The following DNAH5 variants were observed in gnomAD, a reference collection of about 807,000 sequenced individuals.
DNAH5 encodes the protein axonemal beta dynein heavy chain 5.
A neutral mutation model predicts 518.2 loss-of-function variants in DNAH5; 372 were observed. The observed-to-expected ratio is 0.72, with a 90% CI of 0.66 to 0.78. The LOEUF is 0.78. Ranked by LOEUF, DNAH5 falls within the 30% of genes least tolerant of loss-of-function variation. The pLI is 0.00. For synonymous variants in DNAH5, 2,039 were observed against 2,025.9 expected (o/e 1.01, Z -0.17); for missense variants, 5,523 against 5,687.0 (o/e 0.97, Z 0.93).
chr5:13,898,663 C>G (rs1774203791), intron 15 of DNAH5: 1 of 398,578 alleles, frequency 2.5e-6, no homozygotes, highest in Non-Finnish European at 4.4e-6. Flanking sequence ...TTCTGTCCTA[C>G]TTACCTAACG....
chr5:13,703,723 A>G (rs1742426089), intron 76 of DNAH5, among the ~76,000 whole-genome samples: 1 of 152,036 alleles, frequency 6.6e-6, no homozygotes, highest in Admixed American at 6.6e-5. Flanking sequence ...TTCATATAAC[A>G]TTCCAAGATC....
intron 12 of DNAH5, among the ~76,000 whole-genome samples, chr5:13,908,809 C>G (rs1170504741): frequency 6.6e-6 from 1 of 152,192 alleles, no homozygotes; most frequent in Non-Finnish European, 1.5e-5. Flanking sequence ...CCACCCTGAT[C>G]CAAATCACTC....
At position 13,700,790 on chromosome 5, in the gene DNAH5, T is replaced by TGTC. The variant is rs779136850; in HGVS notation, c.13570_13572dup (p.Asp4524dup). ...ACACCCTCTGTGGGAGGGGCAGAAATGTCGTCCTTCATCCATTTGGTGACT... is the reference window on the plus strand; with the variant it reads ...ACACCCTCTGTGGGAGGGGCAGAAATGTCGTCGTCCTTCATCCATTTGGTGACT... On this transcript the variant is annotated inframe_insertion, in exon 78 of 79. Transcript: ENST00000265104. The TGTC allele has an allele frequency of 6.2e-7, 1 of 1,614,128 alleles. No homozygotes were observed. The highest frequency in any genetic ancestry group is 1.1e-5 in the South Asian group (1 of 91,086).
In DNAH5 at chr5:13,829,676, A is replaced by T. The variant is rs1763376541; in HGVS notation, c.6278T>A (p.Leu2093His). The T allele has an allele frequency of 6.2e-7, 1 of 1,614,078 alleles. No individual in the cohort carries two copies. Among genetic ancestry groups the T allele is most frequent in the Non-Finnish European group, 8.5e-7 (1 of 1,180,042 alleles). ...GAAATTAATCTTCAAGTTTTCAGGG[A>T]GTTCCTGCCGTCCGGCATAGCCAGG... ...MNPGYAGRQE[L>H]PENLKINFRS... Residue 2093 changes from leucine to histidine, a missense_variant, in exon 38 of 79, where the codon CTC (leucine) becomes CAC (histidine). Physicochemically the swap from Leu to His is moderately conservative, Grantham distance 99. Transcript: ENST00000265104.
At chr5:13,971,514 G>A (rs1046953660) in intron 1 of DNAH5, among the ~76,000 whole-genome samples, 1 of 152,126 alleles carries the variant, frequency 6.6e-6, no homozygotes, top group East Asian at 1.9e-4. Context: ...AGGGCTTCCT[G>A]AGAGCCAAAC....
intron 47 of DNAH5, among the ~76,000 whole-genome samples, chr5:13,796,154 C>T (rs1757787331): frequency 6.6e-6 from 1 of 152,174 alleles, no homozygotes. Context: ...CAGGGATGCC[C>T]TCTCTCACCA....
intron 75 of DNAH5, among the ~76,000 whole-genome samples, chr5:13,711,589 C>T (rs904089122): frequency 6.6e-6 from 1 of 152,268 alleles, no homozygotes; most frequent in Non-Finnish European, 1.5e-5. Flanking sequence ...TCACTGCTTG[C>T]TGACGATATG....
At chr5:14,005,820 T>C (rs57501916) in intron 1 of DNAH5, among the ~76,000 whole-genome samples, 2,794 of 152,282 alleles carry the variant, frequency 0.018, 89 homozygotes, top group African/African-American at 0.064. Context: ...AGAATGAGTC[T>C]GGAGGGGAAA....
chr5:13,954,004 G>A (rs936717376), intron 1 of DNAH5, among the ~76,000 whole-genome samples: 11 of 152,100 alleles, frequency 7.2e-5, no homozygotes, highest in African/African-American at 2.2e-4. Context: ...TGCCACGCCC[G>A]GCCAGTTCCT....
intron 14 of DNAH5, 131 bp downstream of exon 14, chr5:13,901,121 G>A (rs996521474): frequency 1.2e-5 from 11 of 904,536 alleles, no homozygotes; most frequent in South Asian, 5.8e-5. Context: ...CACTCTGAAC[G>A]CTTAGATTCA....
chr5:13,842,764 G>A (rs944947991), intron 32 of DNAH5, among the ~76,000 whole-genome samples: 2 of 152,070 alleles, frequency 1.3e-5, no homozygotes. Context: ...ATATGAATTT[G>A]TATTTATAAT....
rs546695346 is a variant in DNAH5, at chr5:13,694,349, C to T, written c.13724-2214G>A. On this transcript the variant is annotated intron_variant, in intron 78 of 78. Transcript: ENST00000265104. ...CAAATTTCTGCGGCAGGATTAGAAG[C>T]CACTGAAGATATAATTTCATAGTGA... 5.3e-5 allele frequency among the ~76,000 whole-genome samples: 8 copies of T among 152,308 alleles called. No individual in the cohort carries two copies. In the East Asian group the frequency reaches 1.3e-3, roughly 26 times the overall value.
intron 78 of DNAH5, among the ~76,000 whole-genome samples, 172 bp from the exon 79 acceptor site, chr5:13,692,307 C>CCCA (rs984487288): frequency 2.6e-5 from 4 of 152,248 alleles, no homozygotes; most frequent in Non-Finnish European, 2.9e-5. Flanking sequence ...GGCAGATGCT[C>CCCA]CCACATGGTG....
Position 13,708,192 on chromosome 5 carries a change from G to C in DNAH5, c.13269C>G (p.Ile4423Met). The change falls in exon 76 of 79, where the codon ATC becomes ATG. Residue 4423 changes from isoleucine to methionine, a missense_variant. By Grantham distance (10) the Ile-to-Met change is conservative (BLOSUM62 1). Around this residue, in one of 3 missense-constraint regions of DNAH5, gnomAD observed 387 missense variants for 430.0 expected, o/e 0.90. Coordinates refer to ENST00000265104, the MANE Select transcript of DNAH5 (RefSeq NM_001369.3). ...ATGCATCTCGCAGATTTTCGCTCAT[G>C]ATGATGGTGCCATCAATAGCAAGTT... ...ELKLAIDGTI[I>M]MSENLRDALD... is the part of the protein sequence containing the mutation. The C allele has an allele frequency of 6.2e-7, 1 of 1,614,182 alleles. No homozygotes were observed. The highest frequency in any genetic ancestry group is 8.5e-7 in the Non-Finnish European group (1 of 1,180,006).
At chr5:13,771,673 T>C (rs1753356589) in intron 55 of DNAH5, among the ~76,000 whole-genome samples, 1 of 152,172 alleles carries the variant, frequency 6.6e-6, no homozygotes, top group African/African-American at 2.4e-5. Flanking sequence ...GAGCCACCAC[T>C]GCGACGGGTG....
intron 34 of DNAH5, among the ~76,000 whole-genome samples, chr5:13,839,843 C>A (rs1764924328): frequency 6.6e-6 from 1 of 152,104 alleles, no homozygotes; most frequent in Non-Finnish European, 1.5e-5. Context: ...TGCCATAGTC[C>A]TCACCATGAA....
rs557281950 is a variant in DNAH5 at position 13,796,263 on chromosome 5, C to T, written c.7888-2205G>A. Among the ~76,000 whole-genome samples, 16 of 152,236 alleles carry T rather than the reference C, an allele frequency of 1.1e-4. 1 individual carries two copies. The South Asian group carries it at 2.9e-3, about 28-fold the overall frequency. On this transcript the variant is annotated intron_variant, in intron 47 of 78. Transcript: ENST00000265104. The stretch of plus-strand genomic sequence containing the variant: ...TAGGAAATGAGGAAGTCAAATTGTC[C>T]CTGTTTGCAGATGACATGGTTGTAT...
At chr5:13,719,977 A>G (rs1269729709) in intron 71 of DNAH5, among the ~76,000 whole-genome samples, 1 of 152,166 alleles carries the variant, frequency 6.6e-6, no homozygotes, top group Non-Finnish European at 1.5e-5. Flanking sequence ...TAATTTCCTC[A>G]ATATCTAATC....
intron 21 of DNAH5, among the ~76,000 whole-genome samples, chr5:13,877,220 T>C (rs1037539921): frequency 6.6e-6 from 1 of 152,096 alleles, no homozygotes; most frequent in Admixed American, 6.5e-5. Flanking sequence ...TGGAGCTCCT[T>C]AGGGAGCTCC....
Sources: gnomAD v4.1 joint callset for allele counts (sites outside exome capture counted in the v4.1 genomes callset) on GRCh38, gnomAD v4.1.1 for gene constraint, gnomAD v4.1.1 regional missense constraint, MANE v1.5 for transcripts, NCBI Gene and HGNC (gene_info 2026-07-23, HGNC 2026-07-21) for gene names.